MIER2: variants seen among roughly 807,000 people sequenced by gnomAD.
The protein encoded by MIER2 is MIER family member 2, also known as mesoderm induction early response protein 2.
In MIER2, 30 loss-of-function variants were observed where a neutral mutation model predicts 67.6. That is an observed-to-expected ratio of 0.44 (90% CI 0.33 to 0.60). MIER2 has a LOEUF of 0.60. MIER2 is among the 20% of genes least tolerant of loss of function. MIER2 has a pLI of 0.02. For missense variants in MIER2, 702 were observed against 745.1 expected (o/e 0.94, Z 0.67); for synonymous variants, 372 against 312.6 (o/e 1.19, Z -2.00).
intron 3 of MIER2, among the ~76,000 whole-genome samples, chr19:328,857 C>T (rs759269092): frequency 1.3e-5 from 2 of 152,214 alleles, no homozygotes; most frequent in South Asian, 2.1e-4. Context: ...GCCCCCATCA[C>T]GATCTGGAAC....
chr19:344,175 T>C (rs1040169242), intron 1 of MIER2: 9 of 985,292 alleles, frequency 9.1e-6, no homozygotes, highest in Admixed American at 1.2e-4. Flanking sequence ...CGACGCTCTC[T>C]AGGCCCCGGC....
chr19:336,488 G>A (rs1972264136), intron 1 of MIER2, among the ~76,000 whole-genome samples: 2 of 152,244 alleles, frequency 1.3e-5, no homozygotes, highest in Admixed American at 1.3e-4. Flanking sequence ...CCTGGATGAA[G>A]CTCAACAACA....
chr19:327,803 G>C, intron 4 of MIER2, 61 bp downstream of exon 4: 2 of 1,596,674 alleles, frequency 1.3e-6, no homozygotes. Context: ...TCTGCAGAGA[G>C]GCAGCGCCAG....
At chr19:323,418 T>C (rs1971587058) in intron 7 of MIER2, among the ~76,000 whole-genome samples, 1 of 143,042 alleles carries the variant, frequency 7.0e-6, no homozygotes, top group African/African-American at 2.6e-5. Flanking sequence ...ATCATCACAA[T>C]GCAATACACA....
chr19:335,565 A>G (rs533095326), intron 2 of MIER2, among the ~76,000 whole-genome samples: 17 of 152,312 alleles, frequency 1.1e-4, no homozygotes, highest in African/African-American at 4.1e-4. Flanking sequence ...GAAGGAGCCC[A>G]GCCAGGGGAA....
At chr19:329,054 C>T (rs1971901058) in intron 3 of MIER2, among the ~76,000 whole-genome samples, 1 of 152,198 alleles carries the variant, frequency 6.6e-6, no homozygotes, top group African/African-American at 2.4e-5. Context: ...GAGGCTAGTC[C>T]TGTCTGCTCA....
Position 313,564 on chromosome 19 carries a change from C to G in MIER2, c.735G>C (p.Ala245=), listed in dbSNP as rs1162264609. 2 of 1,613,270 alleles carry G rather than the reference C, an allele frequency of 1.2e-6. No individual in the cohort carries two copies. Among genetic ancestry groups the G allele is most frequent in the Non-Finnish European group, 1.7e-6 (2 of 1,179,962 alleles). ...CCATCTCGTGCCAACGCCGCTTCACCGCCCTGTACAGGAACTCCTCCACCT... is the reference window on the plus strand; with the variant it reads ...CCATCTCGTGCCAACGCCGCTTCACGGCCCTGTACAGGAACTCCTCCACCT... ...EREVEEFLYR[A]VKRRWHEMAG... The change falls in exon 8 of 14, where the codon GCG becomes GCC. Residue 245 remains alanine (A), a synonymous_variant. Coordinates refer to ENST00000264819, the MANE Select transcript of MIER2 (RefSeq NM_017550.3).
chr19:310,671 C>T (rs899416202), intron 10 of MIER2, among the ~76,000 whole-genome samples: 3,202 of 49,918 alleles, frequency 0.064, no homozygotes, highest in African/African-American at 0.2. Context: ...CCCGAAGCTC[C>T]AGAAACACAG....
chr19:337,870 C>CAAAAAA lies in MIER2; in HGVS notation c.10-1703_10-1698dup, dbSNP rs34553732. Among the ~76,000 whole-genome samples, 78 of 37,126 alleles carry CAAAAAA rather than the reference C, an allele frequency of 2.1e-3. 14 individuals are homozygous for CAAAAAA. Among genetic ancestry groups the CAAAAAA allele is most frequent in the African/African-American group, 0.011 (67 of 5,834 alleles). 24.4% of individuals were successfully genotyped at this position (37,126 alleles called of 152,430 possible). Reference sequence around the variant, plus strand: ...GGCAACAGAGCAAGACTCCATCTCACAAAAAAAAAAAAAAAAAAAAAGGCT... The same window carrying CAAAAAA: ...GGCAACAGAGCAAGACTCCATCTCACAAAAAAAAAAAAAAAAAAAAAAAAAAAGGCT... On this transcript the variant is annotated intron_variant, in intron 1 of 13. Coordinates refer to ENST00000264819, the MANE Select transcript of MIER2 (RefSeq NM_017550.3).
chr19:319,876 G>A (rs1428850981), intron 7 of MIER2, among the ~76,000 whole-genome samples: 1 of 152,146 alleles, frequency 6.6e-6, no homozygotes, highest in Non-Finnish European at 1.5e-5. Flanking sequence ...AAAATAAAAG[G>A]ACAGGCCAGT....
intron 1 of MIER2, chr19:343,727 C>A: frequency 1.7e-6 from 1 of 597,830 alleles, no homozygotes; most frequent in Non-Finnish European, 2.1e-6. Context: ...TGAGTCTGCC[C>A]GCCTGTCGTA....
At chr19:338,170 CAAAAAAAA>C (rs34351754) in intron 1 of MIER2, among the ~76,000 whole-genome samples, 77 of 76,888 alleles carry the variant, frequency 1.0e-3, no homozygotes, top group African/African-American at 3.1e-3. Flanking sequence ...GACTCCATCT[CAAAAAAAA>C]AAAAAAAAAA....
At chr19:334,286 A>G (rs1972143282) in intron 3 of MIER2, 114 bp downstream of exon 3, 2 of 1,474,892 alleles carry the variant, frequency 1.4e-6, no homozygotes, top group Admixed American at 3.9e-5. Flanking sequence ...GCACTTTGCA[A>G]AAAGATGTAC....
chr19:343,645 C>G (rs990253645), intron 1 of MIER2, among the ~76,000 whole-genome samples: 2 of 152,232 alleles, frequency 1.3e-5, no homozygotes, highest in African/African-American at 4.8e-5. Context: ...CCCGGCTTCC[C>G]ACGAGGCGGC....
chr19:318,500 G>C (rs923128630), intron 7 of MIER2, among the ~76,000 whole-genome samples: 5 of 152,082 alleles, frequency 3.3e-5, no homozygotes, highest in Admixed American at 1.3e-4. Flanking sequence ...AATCAGAGGA[G>C]GTCATTAACA....
chr19:318,206 A>T (rs960808731), intron 7 of MIER2, among the ~76,000 whole-genome samples: 6 of 152,228 alleles, frequency 3.9e-5, no homozygotes, highest in Admixed American at 2.0e-4. Flanking sequence ...AGATCTAAAC[A>T]TGTGCCATTT....
At chr19:325,499 T>G in intron 7 of MIER2, 136 bp downstream of exon 7, 1 of 995,674 alleles carries the variant, frequency 1.0e-6, no homozygotes, top group Non-Finnish European at 1.5e-6. Context: ...TCCCACCTCC[T>G]CCAGCCACAG....
chr19:334,006 G>A lies in MIER2; in HGVS notation c.243+394C>T, dbSNP rs191560826. 264 of 181,648 alleles carry A rather than the reference G, an allele frequency of 1.5e-3. 1 individual carries two copies. Among genetic ancestry groups the A allele is most frequent in the African/African-American group, 5.7e-3 (241 of 42,042 alleles). 11.3% of individuals were successfully genotyped at this position (181,648 alleles called of 1,614,324 possible). A position where few individuals can be genotyped will look rare whatever the true frequency, so the allele number is the denominator to read the frequency against. On this transcript the variant is annotated intron_variant, in intron 3 of 13. Coordinates refer to ENST00000264819, the MANE Select transcript of MIER2 (RefSeq NM_017550.3). ...CGCGCCCGACAATTTTGTATTCTTAGTAGAGATGGGGTTTCACCATGTTGG... is the reference window on the plus strand; with the variant it reads ...CGCGCCCGACAATTTTGTATTCTTAATAGAGATGGGGTTTCACCATGTTGG...
chr19:326,957 T>G, intron 5 of MIER2, 176 bp downstream of exon 5: 1 of 836,552 alleles, frequency 1.2e-6, no homozygotes, highest in East Asian at 2.8e-5. Flanking sequence ...CCAGGCTCAC[T>G]GGCCAGCGTG....
Sources: allele counts gnomAD v4.1 joint callset (sites outside exome capture counted in the v4.1 genomes callset), GRCh38; gene constraint gnomAD v4.1.1; transcripts MANE v1.5; gene names NCBI Gene and HGNC (gene_info 2026-07-23, HGNC 2026-07-21).